LRP1B: variants seen among roughly 807,000 people sequenced by gnomAD.
The protein encoded by LRP1B is LDL receptor related protein 1B, also known as low-density lipoprotein receptor-related protein 1B.
LRP1B carries 217 observed loss-of-function variants against 556.6 expected under a neutral mutation model. The observed-to-expected ratio is 0.39, with a 90% confidence interval of 0.35 to 0.44. LRP1B has a LOEUF of 0.44. Among genes scored for constraint, LRP1B ranks in the 20% least tolerant of loss-of-function variants. LRP1B has a pLI of 1.00. For synonymous variants in LRP1B, 2,047 were observed against 1,865.8 expected (o/e 1.10, Z -2.50); for missense variants, 5,053 against 5,620.8 (o/e 0.90, Z 3.23).
At chr2:140,720,052 A>T (rs1479804177) in intron 35 of LRP1B, among the ~76,000 whole-genome samples, 1 of 152,052 alleles carries the variant, frequency 6.6e-6, no homozygotes, top group Non-Finnish European at 1.5e-5. Context: ...AATTGTAAAG[A>T]TACAAAATGG....
chr2:140,425,457 G>C (rs1685613655), intron 66 of LRP1B, among the ~76,000 whole-genome samples: 1 of 152,004 alleles, frequency 6.6e-6, no homozygotes, highest in Non-Finnish European at 1.5e-5. Context: ...AGGCTGGAGT[G>C]CAGTGGCATG....
intron 43 of LRP1B, among the ~76,000 whole-genome samples, chr2:140,573,003 A>T (rs1335056991): frequency 6.6e-6 from 1 of 151,798 alleles, no homozygotes; most frequent in Non-Finnish European, 1.5e-5. Flanking sequence ...GGGTGGCAGA[A>T]GTAGAAAAAG....
intron 1 of LRP1B, among the ~76,000 whole-genome samples, chr2:142,008,177 C>A (rs1377319619): frequency 6.6e-6 from 1 of 152,174 alleles, no homozygotes; most frequent in Non-Finnish European, 1.5e-5. Flanking sequence ...TAGATTTAAC[C>A]TTGGATTTGA....
At chr2:140,828,406 G>A (rs1227724360) in intron 31 of LRP1B, among the ~76,000 whole-genome samples, 2 of 149,464 alleles carry the variant, frequency 1.3e-5, no homozygotes, top group Non-Finnish European at 3.0e-5. Flanking sequence ...TCAGGAGATC[G>A]AGACCATCCT....
chr2:142,045,793 G>A (rs1293703258), intron 1 of LRP1B, among the ~76,000 whole-genome samples: 1 of 151,810 alleles, frequency 6.6e-6, no homozygotes, highest in Non-Finnish European at 1.5e-5. Flanking sequence ...AACTTGCCCA[G>A]TGCCACATTG....
At chr2:141,148,609 A>C (rs547429351) in intron 7 of LRP1B, among the ~76,000 whole-genome samples, 155 of 152,276 alleles carry the variant, frequency 1.0e-3, no homozygotes, top group African/African-American at 3.0e-3. Flanking sequence ...TCATCTTTGG[A>C]AAGTCTGGTA....
chr2:141,191,465 T>C (rs1233346430), intron 6 of LRP1B, among the ~76,000 whole-genome samples: 2 of 151,922 alleles, frequency 1.3e-5, no homozygotes, highest in Non-Finnish European at 2.9e-5. Context: ...GACATATGTG[T>C]CAGCATTACC....
At chr2:140,822,688 G>T (rs1691368733) in intron 31 of LRP1B, among the ~76,000 whole-genome samples, 1 of 152,172 alleles carries the variant, frequency 6.6e-6, no homozygotes, top group African/African-American at 2.4e-5. Context: ...GAGTAAGCCA[G>T]TTCTGGATTT....
chr2:140,363,238 A>AC (rs1682601994), intron 72 of LRP1B, among the ~76,000 whole-genome samples: 2 of 151,762 alleles, frequency 1.3e-5, no homozygotes, highest in East Asian at 3.9e-4. Context: ...CTGGCACATA[A>AC]TAGCTTGACT....
At chr2:141,612,472 A>G (rs1688139376) in intron 2 of LRP1B, among the ~76,000 whole-genome samples, 1 of 152,230 alleles carries the variant, frequency 6.6e-6, no homozygotes. Flanking sequence ...GACAAGCTGA[A>G]GGCAGAGAGC....
At chr2:141,396,440 G>A (rs917796069) in intron 3 of LRP1B, among the ~76,000 whole-genome samples, 11 of 152,122 alleles carry the variant, frequency 7.2e-5, no homozygotes, top group Admixed American at 4.6e-4. Context: ...TGAGCTGGGC[G>A]ATATTTTGCA....
intron 7 of LRP1B, among the ~76,000 whole-genome samples, chr2:141,131,951 T>C (rs1014788176): frequency 3.9e-5 from 6 of 152,008 alleles, no homozygotes; most frequent in Admixed American, 6.6e-5. Flanking sequence ...GCAGTATACG[T>C]TGAACCCAAT....
intron 3 of LRP1B, among the ~76,000 whole-genome samples, chr2:141,287,609 T>C (rs1038937659): frequency 6.6e-6 from 1 of 152,212 alleles, no homozygotes; most frequent in African/African-American, 2.4e-5. Context: ...TGGTTTCTTC[T>C]TTGATCAATA....
intron 2 of LRP1B, among the ~76,000 whole-genome samples, chr2:141,665,132 C>A (rs142757384): frequency 1.3e-5 from 2 of 152,160 alleles, no homozygotes; most frequent in African/African-American, 4.8e-5. Context: ...ATAAATGGTG[C>A]AGGGAGAACT....
chr2:140,245,048 G>C (rs1681093967), intron 87 of LRP1B, among the ~76,000 whole-genome samples: 1 of 151,308 alleles, frequency 6.6e-6, no homozygotes, highest in Non-Finnish European at 1.5e-5. Context: ...GCATCTAATA[G>C]AGTCATTATT....
At chr2:141,494,693 T>C (rs753572026) in intron 2 of LRP1B, among the ~76,000 whole-genome samples, 27 of 150,902 alleles carry the variant, frequency 1.8e-4, no homozygotes, top group Non-Finnish European at 3.5e-4. Flanking sequence ...TCTTTCCTCA[T>C]AGACCTCATC....
chr2:140,663,494 C>T (rs566347205), intron 41 of LRP1B, among the ~76,000 whole-genome samples: 22 of 152,280 alleles, frequency 1.4e-4, no homozygotes, highest in African/African-American at 2.2e-4. Flanking sequence ...TGTATGGAGA[C>T]GGCTTCTGTT....
chr2:140,387,433 CAT>C (rs1339762503), intron 66 of LRP1B, among the ~76,000 whole-genome samples: 1 of 152,126 alleles, frequency 6.6e-6, no homozygotes, highest in Non-Finnish European at 1.5e-5. Flanking sequence ...TTTATTTAAA[CAT>C]ATGAGGAAAA....
intron 2 of LRP1B, among the ~76,000 whole-genome samples, chr2:141,786,683 T>C (rs749200463): frequency 2.1e-4 from 32 of 151,930 alleles, no homozygotes; most frequent in Non-Finnish European, 4.1e-4. Context: ...GAGATTGAAC[T>C]GGAGTAGGGA....
Sources: allele counts gnomAD v4.1 joint callset (sites outside exome capture counted in the v4.1 genomes callset), GRCh38; gene constraint gnomAD v4.1.1; transcripts MANE v1.5; gene names NCBI Gene and HGNC (gene_info 2026-07-23, HGNC 2026-07-21).